TMEM132D: variants seen among roughly 807,000 people sequenced by gnomAD.
TMEM132D encodes the protein mature OL transmembrane protein.
A neutral mutation model predicts 62.3 loss-of-function variants in TMEM132D; 21 were observed. The ratio of observed to expected loss-of-function variants is 0.34; its 90% confidence interval spans 0.24 to 0.49. The LOEUF is 0.49. Among genes scored for constraint, TMEM132D ranks in the 20% least tolerant of loss-of-function variants. The pLI is 0.99. For synonymous variants in TMEM132D, 621 were observed against 575.6 expected (o/e 1.08, Z -1.13); for missense variants, 1,346 against 1,402.8 (o/e 0.96, Z 0.65).
intron 1 of TMEM132D, among the ~76,000 whole-genome samples, chr12:129,710,277 T>G (rs1231292478): frequency 1.3e-5 from 2 of 150,580 alleles, no homozygotes; most frequent in African/African-American, 5.0e-5. Flanking sequence ...TAATGGTCAT[T>G]ATTAATTTTT....
At position 129,722,765 on chromosome 12, in the gene TMEM132D, G is replaced by C. The variant is rs1868888654; in HGVS notation, c.80-22067C>G. 4.8e-5 allele frequency among the ~76,000 whole-genome samples: 7 copies of C among 147,102 alleles called. No individual in the cohort carries two copies. In the South Asian group the frequency reaches 1.5e-3, roughly 32 times the overall value. ...TTCTTTTTTTTTTTTTTTGAGATGG[G>C]GTCTTGCTCTGTCACTCAGCCTGGA... On this transcript the variant is annotated intron_variant, in intron 1 of 8. Transcript: ENST00000422113.
At chr12:129,553,036 G>A (rs1876944529) in intron 2 of TMEM132D, among the ~76,000 whole-genome samples, 2 of 152,166 alleles carry the variant, frequency 1.3e-5, no homozygotes, top group Non-Finnish European at 2.9e-5. Flanking sequence ...CACCATCCGA[G>A]CCCCAGCCTT....
At chr12:129,116,846 T>A (rs1157053743) in intron 5 of TMEM132D, among the ~76,000 whole-genome samples, 1 of 135,126 alleles carries the variant, frequency 7.4e-6, no homozygotes, top group Admixed American at 8.7e-5. Context: ...TCTTACGAAA[T>A]TAAACATATC....
At chr12:129,835,710 AG>A (rs1800615097) in intron 1 of TMEM132D, among the ~76,000 whole-genome samples, 1 of 152,244 alleles carries the variant, frequency 6.6e-6, no homozygotes, top group African/African-American at 2.4e-5. Context: ...TAAACGGGGC[AG>A]GGACATCTGT....
intron 3 of TMEM132D, among the ~76,000 whole-genome samples, chr12:129,489,002 T>C (rs1874678699): frequency 6.6e-6 from 1 of 151,972 alleles, no homozygotes; most frequent in East Asian, 1.9e-4. Flanking sequence ...CTCTTGGGAG[T>C]TGTCAGAGTC....
chr12:129,232,218 G>T (rs1165724526), intron 4 of TMEM132D, among the ~76,000 whole-genome samples: 3 of 152,146 alleles, frequency 2.0e-5, no homozygotes, highest in African/African-American at 7.2e-5. Context: ...TTTTGTCCAT[G>T]AAAAATGGTC....
chr12:129,870,560 C>A (rs1398516714), intron 1 of TMEM132D, among the ~76,000 whole-genome samples: 1 of 152,188 alleles, frequency 6.6e-6, no homozygotes, highest in East Asian at 1.9e-4. Context: ...AGCTCGGCAT[C>A]CCTCCCATCC....
At chr12:129,712,686 G>A (rs1349507019) in intron 1 of TMEM132D, among the ~76,000 whole-genome samples, 3 of 152,170 alleles carry the variant, frequency 2.0e-5, no homozygotes, top group African/African-American at 4.8e-5. Flanking sequence ...AGCCACATAT[G>A]ACCAGTGGCT....
chr12:129,160,632 T>C (rs1877375063), intron 5 of TMEM132D, among the ~76,000 whole-genome samples: 1 of 152,214 alleles, frequency 6.6e-6, no homozygotes, highest in Admixed American at 6.5e-5. Flanking sequence ...CTTGACTTTT[T>C]AGTTACAAGA....
intron 4 of TMEM132D, among the ~76,000 whole-genome samples, chr12:129,219,300 C>G (rs2135572607): frequency 6.6e-6 from 1 of 152,308 alleles, no homozygotes; most frequent in East Asian, 1.9e-4. Flanking sequence ...TGCACAAGCT[C>G]TCTTGCCTGC....
chr12:129,674,208 T>C (rs1264417659), intron 2 of TMEM132D, among the ~76,000 whole-genome samples: 1 of 152,196 alleles, frequency 6.6e-6, no homozygotes, highest in Non-Finnish European at 1.5e-5. Context: ...AGATTTGAAA[T>C]AGGCCCTGGA....
intron 4 of TMEM132D, among the ~76,000 whole-genome samples, chr12:129,316,400 G>A (rs1246621233): frequency 1.3e-5 from 2 of 152,074 alleles, no homozygotes; most frequent in Admixed American, 1.3e-4. Flanking sequence ...TTTTGTTTTT[G>A]ACCCAATGCT....
At chr12:129,413,349 C>T (rs11060329) in intron 3 of TMEM132D, among the ~76,000 whole-genome samples, 1 of 152,170 alleles carries the variant, frequency 6.6e-6, no homozygotes, top group Non-Finnish European at 1.5e-5. Context: ...CCTGCCACCA[C>T]GTAAGACATG....
intron 3 of TMEM132D, among the ~76,000 whole-genome samples, chr12:129,376,247 G>A (rs750088474): frequency 6.6e-6 from 1 of 152,176 alleles, no homozygotes; most frequent in Non-Finnish European, 1.5e-5. Flanking sequence ...ACTGGGTGAT[G>A]CATAAAGGAA....
chr12:129,203,931 C>A (rs944014927), intron 5 of TMEM132D, among the ~76,000 whole-genome samples: 1 of 152,162 alleles, frequency 6.6e-6, no homozygotes, highest in African/African-American at 2.4e-5. Flanking sequence ...TCCTCAGAGA[C>A]CCAGGAGCAG....
intron 2 of TMEM132D, among the ~76,000 whole-genome samples, chr12:129,537,580 C>T (rs972796218): frequency 6.6e-6 from 1 of 150,656 alleles, no homozygotes; most frequent in Admixed American, 6.6e-5. Context: ...TTCCCACTGC[C>T]CTTCTGGTGG....
chr12:129,699,545 A>C (rs1483731924), intron 2 of TMEM132D, among the ~76,000 whole-genome samples: 1 of 152,196 alleles, frequency 6.6e-6, no homozygotes, highest in Non-Finnish European at 1.5e-5. Context: ...CCCTAAGCTA[A>C]GGGAAAAGGC....
At chr12:129,695,308 G>C (rs774453674) in intron 2 of TMEM132D, among the ~76,000 whole-genome samples, 3 of 152,176 alleles carry the variant, frequency 2.0e-5, no homozygotes, top group African/African-American at 7.2e-5. Flanking sequence ...TGTCAATATT[G>C]GTGAATTGGG....
chr12:129,484,928 C>T (rs1317301415), intron 3 of TMEM132D, among the ~76,000 whole-genome samples: 1 of 152,162 alleles, frequency 6.6e-6, no homozygotes, highest in Non-Finnish European at 1.5e-5. Flanking sequence ...GGTGGGGCTG[C>T]CCCTGGGCCA....
Sources: gnomAD v4.1 joint callset for allele counts (sites outside exome capture counted in the v4.1 genomes callset) on GRCh38, gnomAD v4.1.1 for gene constraint, MANE v1.5 for transcripts, NCBI Gene and HGNC (gene_info 2026-07-23, HGNC 2026-07-21) for gene names.